Variants in MYO3A observed in about 807,000 individuals in gnomAD.
MYO3A encodes myosin-IIIa.
A neutral mutation model predicts 192.7 loss-of-function variants in MYO3A; 180 were observed. That is an observed-to-expected ratio of 0.93 (90% CI 0.83 to 1.06). The LOEUF (loss-of-function observed/expected upper bound fraction) is 1.06. Ranked by LOEUF, MYO3A falls within the 50% of genes least tolerant of loss-of-function variation. The pLI, the probability that MYO3A is intolerant of heterozygous loss-of-function variation, is 0.00. For missense variants in MYO3A, 1,896 were observed against 1,905.0 expected (o/e 1.00, Z 0.09); for synonymous variants, 628 against 645.3 (o/e 0.97, Z 0.41).
chr10:26,165,835 G>T, intron 26 of MYO3A: 1 of 590,954 alleles, frequency 1.7e-6, no homozygotes, highest in East Asian at 2.8e-5. Flanking sequence ...GTTTTGAAAG[G>T]TGATCACAAA....
At chr10:26,053,180 C>T (rs924429284) in intron 10 of MYO3A, among the ~76,000 whole-genome samples, 1 of 146,888 alleles carries the variant, frequency 6.8e-6, no homozygotes, top group Non-Finnish European at 1.5e-5. Flanking sequence ...TATCTTGAAA[C>T]ATATTTAATA....
chr10:26,078,137 T>A (rs1835711316), intron 14 of MYO3A, among the ~76,000 whole-genome samples: 1 of 151,386 alleles, frequency 6.6e-6, no homozygotes. Context: ...GGACTTTTTT[T>A]TTTTTTTTGG....
intron 4 of MYO3A, among the ~76,000 whole-genome samples, chr10:25,965,959 TTCTCTCTCTC>T (rs537403170): frequency 0.018 from 2,685 of 148,934 alleles, 89 homozygotes; most frequent in African/African-American, 0.062. Flanking sequence ...GTTTTTTTTT[TTCTCTCTCTC>T]TCTCTCTCTC....
rs996585566 is a variant in MYO3A, at chr10:26,049,896, G to A, written c.954-17079G>A. The stretch of plus-strand genomic sequence containing the variant: ...TCACCATGTTAGCTAGGATGGTCTC[G>A]ATCTCATGACCTCGTGATCCACCCA... On this transcript the variant is annotated intron_variant, in intron 10 of 34. Coordinates refer to ENST00000642920, the MANE Select transcript of MYO3A (RefSeq NM_017433.5). Among the ~76,000 whole-genome samples the A allele has an allele frequency of 5.3e-5, 8 of 151,682 alleles. No individual in the cohort carries two copies. In the East Asian group the frequency reaches 5.8e-4, roughly 11 times the overall value.
At chr10:26,014,975 C>G (rs1298859876) in intron 6 of MYO3A, among the ~76,000 whole-genome samples, 2 of 152,032 alleles carry the variant, frequency 1.3e-5, no homozygotes, top group Non-Finnish European at 2.9e-5. Flanking sequence ...AAGAATAAAG[C>G]CTGCATGTTT....
chr10:26,128,919 TA>T (rs954128219), intron 20 of MYO3A, among the ~76,000 whole-genome samples: 2 of 152,206 alleles, frequency 1.3e-5, no homozygotes, highest in African/African-American at 4.8e-5. Flanking sequence ...TAAAAGCCAT[TA>T]AACTTCAGAA....
chr10:26,109,805 A>G (rs1274165661), intron 17 of MYO3A, among the ~76,000 whole-genome samples: 1 of 152,224 alleles, frequency 6.6e-6, no homozygotes, highest in East Asian at 1.9e-4. Flanking sequence ...TGAATTCTGA[A>G]TAAACATTGC....
intron 4 of MYO3A, among the ~76,000 whole-genome samples, chr10:25,977,063 AG>A (rs1279187102): frequency 6.6e-6 from 1 of 152,152 alleles, no homozygotes; most frequent in Non-Finnish European, 1.5e-5. Context: ...GTTGAAGAAA[AG>A]TATATTTTGC....
At chr10:26,196,104 A>T (rs1242176239) in intron 32 of MYO3A, among the ~76,000 whole-genome samples, 1 of 152,280 alleles carries the variant, frequency 6.6e-6, no homozygotes, top group African/African-American at 2.4e-5. Context: ...ATGCTCTCAA[A>T]TAATTTAAAA....
At chr10:25,988,939 CTTTTTT>C (rs56308717) in intron 4 of MYO3A, among the ~76,000 whole-genome samples, 3 of 117,016 alleles carry the variant, frequency 2.6e-5, no homozygotes, top group Non-Finnish European at 3.5e-5. Context: ...CCCTAAAACT[CTTTTTT>C]TTTTTTTTTT....
intron 10 of MYO3A, among the ~76,000 whole-genome samples, chr10:26,062,895 A>T (rs948562976): frequency 5.9e-5 from 9 of 151,888 alleles, no homozygotes; most frequent in Admixed American, 5.2e-4. Flanking sequence ...ATATGAGGAG[A>T]AGATAGATGA....
At chr10:25,952,456 T>C (rs1314494790) in intron 3 of MYO3A, among the ~76,000 whole-genome samples, 178 bp downstream of exon 3, 1 of 152,170 alleles carries the variant, frequency 6.6e-6, no homozygotes, top group African/African-American at 2.4e-5. Flanking sequence ...GTGCTTAGTA[T>C]ATGTAATAAG....
chr10:26,160,987 A>T (rs1484150136), intron 26 of MYO3A, among the ~76,000 whole-genome samples: 1 of 152,258 alleles, frequency 6.6e-6, no homozygotes, highest in African/African-American at 2.4e-5. Flanking sequence ...ATGAGAATAA[A>T]TTCTTAAATA....
intron 17 of MYO3A, among the ~76,000 whole-genome samples, chr10:26,109,322 C>A (rs542257767): frequency 6.6e-6 from 1 of 152,230 alleles, no homozygotes; most frequent in Admixed American, 6.5e-5. Flanking sequence ...TTCTGCAATC[C>A]CAGTTACCTG....
intron 17 of MYO3A, among the ~76,000 whole-genome samples, chr10:26,102,321 G>A (rs563536503): frequency 3.6e-4 from 55 of 152,174 alleles, no homozygotes; most frequent in African/African-American, 1.0e-3. Flanking sequence ...AAGGTTTTTA[G>A]CTTCTTTGCA....
intron 6 of MYO3A, among the ~76,000 whole-genome samples, chr10:26,006,474 A>T (rs1334702938): frequency 2.0e-5 from 3 of 152,232 alleles, no homozygotes; most frequent in African/African-American, 7.2e-5. Context: ...CAAAATTGAT[A>T]GACTGCTAGC....
intron 10 of MYO3A, among the ~76,000 whole-genome samples, chr10:26,045,366 T>TTAGATAGATAGA (rs3057671): frequency 1.8e-4 from 25 of 142,598 alleles, no homozygotes; most frequent in South Asian, 4.4e-4. Flanking sequence ...ATGGGTGGCA[T>TTAGATAGATAGA]TAGATAGATA....
chr10:25,966,218 A>C (rs1838258679), intron 4 of MYO3A, among the ~76,000 whole-genome samples: 1 of 152,192 alleles, frequency 6.6e-6, no homozygotes, highest in East Asian at 1.9e-4. Context: ...ATAGCATGTG[A>C]AAAGATGACC....
intron 19 of MYO3A, among the ~76,000 whole-genome samples, chr10:26,127,071 C>T (rs531354253): frequency 6.6e-6 from 1 of 152,238 alleles, no homozygotes; most frequent in Non-Finnish European, 1.5e-5. Context: ...TAAATAGGGG[C>T]ATTGAATGAC....
Sources: allele counts gnomAD v4.1 joint callset (sites outside exome capture counted in the v4.1 genomes callset), GRCh38; gene constraint gnomAD v4.1.1; transcripts MANE v1.5; gene names NCBI Gene and HGNC (gene_info 2026-07-23, HGNC 2026-07-21).